The following PTGFRN variants were observed in gnomAD, a reference collection of about 807,000 sequenced individuals.
PTGFRN encodes the protein prostaglandin F2 receptor inhibitor.
Under a neutral mutation model 83.2 loss-of-function variants are expected in PTGFRN, and 35 were observed. That is an observed-to-expected ratio of 0.42 (90% CI 0.32 to 0.56). PTGFRN has a LOEUF of 0.56. Among genes scored for constraint, PTGFRN ranks in the 20% least tolerant of loss-of-function variants. PTGFRN has a pLI of 0.11. For synonymous variants in PTGFRN, 519 were observed against 498.6 expected, an observed-to-expected ratio of 1.04 and a Z score of -0.55; for missense variants, 1,051 against 1,179.5, an observed-to-expected ratio of 0.89 and a Z score of 1.60.
At chr1:116,939,036 C>T (rs1649990238) in intron 1 of PTGFRN, among the ~76,000 whole-genome samples, 1 of 152,258 alleles carries the variant, frequency 6.6e-6, no homozygotes, top group Admixed American at 6.5e-5. Flanking sequence ...CTTGGGCAGG[C>T]TCCGCCCCTG....
intron 1 of PTGFRN, among the ~76,000 whole-genome samples, chr1:116,928,662 G>T (rs1355241186): frequency 6.6e-6 from 1 of 152,106 alleles, no homozygotes; most frequent in Non-Finnish European, 1.5e-5. Flanking sequence ...TTCCTTTTGT[G>T]ATGGTTTCCT....
chr1:116,951,079 G>T (rs903760165), intron 4 of PTGFRN, among the ~76,000 whole-genome samples: 6 of 151,970 alleles, frequency 3.9e-5, no homozygotes, highest in African/African-American at 1.5e-4. Flanking sequence ...CTCCGTACCC[G>T]CTCCCCCTTC....
Position 116,913,982 on chromosome 1 carries a change from A to G in PTGFRN, c.49+3730A>G, listed in dbSNP as rs369845678. ...ATTACATCTGTATTTTAAAATTCAA[A>G]TGATATAAAAGGACTTTGTATTAAT... On this transcript the variant is annotated intron_variant, in intron 1 of 8. Coordinates refer to ENST00000393203, the MANE Select transcript of PTGFRN (RefSeq NM_020440.4). Among the ~76,000 whole-genome samples the G allele has an allele frequency of 6.6e-5, 10 of 152,240 alleles. 1 individual carries two copies. The East Asian group carries it at 9.6e-4, about 15-fold the overall frequency.
At chr1:116,954,371 A>C (rs574655394) in intron 4 of PTGFRN, among the ~76,000 whole-genome samples, 1 of 152,084 alleles carries the variant, frequency 6.6e-6, no homozygotes. Context: ...TTGTTATACA[A>C]ATGGTGATCG....
chr1:116,919,226 A>G (rs1649478740), intron 1 of PTGFRN, among the ~76,000 whole-genome samples: 1 of 152,152 alleles, frequency 6.6e-6, no homozygotes, highest in South Asian at 2.1e-4. Flanking sequence ...GTGACTTAGA[A>G]GCATTAGCCC....
chr1:116,936,964 A>G (rs1398206705), intron 1 of PTGFRN, among the ~76,000 whole-genome samples: 1 of 152,248 alleles, frequency 6.6e-6, no homozygotes, highest in East Asian at 1.9e-4. Context: ...AAATGTTCAT[A>G]AAGTATTTTA....
Position 116,944,714 on chromosome 1 carries a change from C to T in PTGFRN, c.454C>T (p.Arg152Trp), listed in dbSNP as rs1035799778. Residue 152 changes from arginine to tryptophan, a missense_variant, in exon 3 of 9, where the codon CGG becomes TGG. Around this residue, in one of 3 missense-constraint regions of PTGFRN, gnomAD observed 205 missense variants for 174.5 expected, o/e 1.17. Transcript: ENST00000393203. ...ADSLHVGPSA[R>W]PPPSLSLREG... Reference sequence around the variant, plus strand: ...CTCCCTGCACGTGGGCCCCAGCGCGCGGCCCCCGCCGAGCCTGAGCCTGCG... The same window carrying T: ...CTCCCTGCACGTGGGCCCCAGCGCGTGGCCCCCGCCGAGCCTGAGCCTGCG... 2 of 1,408,692 alleles carry T rather than the reference C, an allele frequency of 1.4e-6. No homozygotes were observed. Among genetic ancestry groups the T allele is most frequent in the Non-Finnish European group, 9.2e-7 (1 of 1,087,922 alleles). The allele number at this position is 1,408,692 out of a possible 1,614,324, so 87.3% of individuals were successfully genotyped here. A position where few individuals can be genotyped will look rare whatever the true frequency, so the allele number is the denominator to read the frequency against.
chr1:116,982,554 C>T (rs550230405), intron 7 of PTGFRN, among the ~76,000 whole-genome samples: 40 of 152,064 alleles, frequency 2.6e-4, no homozygotes, highest in African/African-American at 9.2e-4. Flanking sequence ...TCAGGTTCTC[C>T]GCAAGCAAAG....
chr1:116,972,732 G>C (rs759751168), intron 6 of PTGFRN, among the ~76,000 whole-genome samples: 20 of 152,126 alleles, frequency 1.3e-4, no homozygotes, highest in Non-Finnish European at 1.8e-4. Flanking sequence ...ATTTCTTTTA[G>C]GTTTGCCTTG....
At chr1:116,984,620 C>T in intron 7 of PTGFRN, 60 bp from the exon 8 acceptor site, 4 of 1,518,224 alleles carry the variant, frequency 2.6e-6, no homozygotes, top group Non-Finnish European at 9.0e-7. Flanking sequence ...ATGGATGTGG[C>T]CATACATATG....
In PTGFRN at chr1:116,984,846, G is replaced by A. The variant is rs757579618; in HGVS notation, c.2334G>A (p.Leu778=). Residue 778 remains leucine (L), a synonymous_variant, in exon 8 of 9, where the codon CTG becomes CTA. Coordinates refer to ENST00000393203, the MANE Select transcript of PTGFRN (RefSeq NM_020440.4). ...GCGTGAGTGTGCTGGAATTCTTGCT[G>A]CAAGTGCATGGCTCCGAGGACCAGG... ...LERVSVLEFL[L]QVHGSEDQDF... 3.1e-6 allele frequency: 5 copies of A among 1,614,052 alleles called. No individual in the cohort carries two copies. Among genetic ancestry groups the A allele is most frequent in the African/African-American group, 1.3e-5 (1 of 74,908 alleles).
intron 4 of PTGFRN, among the ~76,000 whole-genome samples, chr1:116,950,636 G>A (rs867315579): frequency 6.6e-6 from 1 of 151,866 alleles, no homozygotes; most frequent in Non-Finnish European, 1.5e-5. Flanking sequence ...TGGCATATTC[G>A]CTCTCCTTTT....
chr1:116,980,031 A>G (rs1434977929), intron 7 of PTGFRN, among the ~76,000 whole-genome samples: 1 of 151,412 alleles, frequency 6.6e-6, no homozygotes, highest in African/African-American at 2.4e-5. Context: ...GAAAAAAACA[A>G]CCCCATCAAA....
intron 8 of PTGFRN, among the ~76,000 whole-genome samples, chr1:116,985,504 C>A (rs1192858332): frequency 6.6e-6 from 1 of 151,992 alleles, no homozygotes; most frequent in African/African-American, 2.4e-5. Flanking sequence ...CGAGACCTGC[C>A]TGGCCAACAT....
At chr1:116,915,058 A>C (rs1321474382) in intron 1 of PTGFRN, among the ~76,000 whole-genome samples, 1 of 152,228 alleles carries the variant, frequency 6.6e-6, no homozygotes, top group Non-Finnish European at 1.5e-5. Flanking sequence ...ACTTGTCTAG[A>C]GACATACAGA....
rs902730507 is a variant in PTGFRN, at chr1:116,940,857, T to C, written c.50-858T>C. ...ATTGAAATGCTAAACAGGTAGTAAA[T>C]ACACTGCAAAATCATGCTGAAGTTC... is the stretch of plus-strand genomic sequence containing the variant. On this transcript the variant is annotated intron_variant, in intron 1 of 8. Transcript: ENST00000393203. Among the ~76,000 whole-genome samples, 7 of 152,208 alleles carry C rather than the reference T, an allele frequency of 4.6e-5. No individual in the cohort carries two copies. The South Asian group carries it at 1.4e-3, about 32-fold the overall frequency.
At chr1:116,959,821 C>T (rs1650597226) in intron 4 of PTGFRN, among the ~76,000 whole-genome samples, 1 of 151,894 alleles carries the variant, frequency 6.6e-6, no homozygotes, top group Admixed American at 6.6e-5. Context: ...TAAAAAAATG[C>T]AAAAATGAGC....
Position 116,989,180 on chromosome 1 carries a change from G to A in PTGFRN, c.*2213G>A, listed in dbSNP as rs1651624981. On this transcript the variant is annotated 3_prime_UTR_variant, in exon 9 of 9. Coordinates refer to ENST00000393203, the MANE Select transcript of PTGFRN (RefSeq NM_020440.4). ...TGAGTCACAGCAGACACTCGATGGT[G>A]GTAAATGTGATGGGTGCTTACACAC... is the stretch of plus-strand genomic sequence containing the variant. The A allele has an allele frequency of 6.6e-6, 1 of 152,200 alleles. No individual in the cohort carries two copies. Among genetic ancestry groups the A allele is most frequent in the African/African-American group, 2.4e-5 (1 of 41,442 alleles). 9.4% of individuals were successfully genotyped at this position (152,200 alleles called of 1,614,324 possible). A position where few individuals can be genotyped will look rare whatever the true frequency, so the allele number is the denominator to read the frequency against.
At chr1:116,945,290 G>C (rs1415147593) in intron 3 of PTGFRN, among the ~76,000 whole-genome samples, 198 bp downstream of exon 3, 1 of 152,154 alleles carries the variant, frequency 6.6e-6, no homozygotes, top group East Asian at 1.9e-4. Flanking sequence ...TTTGTGCTGA[G>C]GATGCCTGTC....
Sources: gnomAD v4.1 joint callset for allele counts (sites outside exome capture counted in the v4.1 genomes callset) on GRCh38, gnomAD v4.1.1 for gene constraint, gnomAD v4.1.1 regional missense constraint, MANE v1.5 for transcripts, NCBI Gene and HGNC (gene_info 2026-07-23, HGNC 2026-07-21) for gene names.